The following STON2 variants were observed in gnomAD, a reference collection of about 807,000 sequenced individuals.
STON2 encodes stonin-2.
STON2 carries 29 observed loss-of-function variants against 65.7 expected under a neutral mutation model. The ratio of observed to expected loss-of-function variants is 0.44; its 90% CI spans 0.33 to 0.60. STON2 has a LOEUF of 0.60. Ranked by LOEUF, STON2 falls within the 20% of genes least tolerant of loss-of-function variation. The pLI, the probability that STON2 is intolerant of heterozygous loss-of-function variation, is 0.03. For missense variants in STON2, 1,054 were observed against 1,118.1 expected, an observed-to-expected ratio of 0.94 and a Z score of 0.82; for synonymous variants, 404 against 414.2, an observed-to-expected ratio of 0.98 and a Z score of 0.30.
chr14:81,435,491 C>T (rs985230904), intron 1 of STON2, among the ~76,000 whole-genome samples: 3 of 152,158 alleles, frequency 2.0e-5, no homozygotes, highest in Admixed American at 6.5e-5. Context: ...CGCCACCTTA[C>T]AGATCAGGAG....
At chr14:81,418,608 T>C (rs75539948) in intron 2 of STON2, among the ~76,000 whole-genome samples, 2 of 152,336 alleles carry the variant, frequency 1.3e-5, no homozygotes, top group East Asian at 3.9e-4. Flanking sequence ...GATTATGTGC[T>C]TCCCTGGAGG....
At position 81,265,342 on chromosome 14, in the gene STON2, T is replaced by A. The variant is rs889163100; in HGVS notation, c.*3072A>T. ...AAACAAATTTGATGAAATTAAGATG[T>A]TAGGTTTTTAAAAATTAATAATAAT... On this transcript the variant is annotated 3_prime_UTR_variant, in exon 8 of 8. Transcript: ENST00000614646. 7.1e-6 allele frequency: 7 copies of A among 984,404 alleles called. No individual in the cohort carries two copies. In the African/African-American group the frequency reaches 1.2e-4, roughly 17 times the overall value. The allele number at this position is 984,404 out of a possible 1,614,324, so 61.0% of individuals were successfully genotyped here. A position where few individuals can be genotyped will look rare whatever the true frequency, so the allele number is the denominator to read the frequency against.
chr14:81,356,467 C>A (rs1485433281), intron 4 of STON2, among the ~76,000 whole-genome samples: 2 of 152,108 alleles, frequency 1.3e-5, no homozygotes, highest in Non-Finnish European at 2.9e-5. Flanking sequence ...GTCTAAAATT[C>A]TCTTTTTTTG....
chr14:81,401,240 T>C (rs377042465), upstream of STON2, among the ~76,000 whole-genome samples: 51 of 152,348 alleles, frequency 3.3e-4, no homozygotes, highest in African/African-American at 1.1e-3. Context: ...CTCTTCATTA[T>C]AGATATAGGT....
At chr14:81,304,060 A>G (rs1896074596) in intron 5 of STON2, among the ~76,000 whole-genome samples, 1 of 152,036 alleles carries the variant, frequency 6.6e-6, no homozygotes, top group Admixed American at 6.6e-5. Context: ...CTTCCACCAA[A>G]TTCCTCTGAT....
In STON2 at chr14:81,277,702, C is replaced by T; in HGVS notation, c.1780G>A (p.Asp594Asn). ...ACTGCATGGATGAAACTCAGGAAGT[C>T]ATCGTAATTGGTGGTGCCCAGCTTA... ...VIKLGTTNYD[D>N]FLSFIHAVQD... The change falls in exon 6 of 8, where the codon GAC becomes AAC. Residue 594 changes from aspartate (D) to asparagine (N), a missense_variant. Physicochemically the swap from Asp to Asn is conservative, Grantham distance 23. Transcript: ENST00000614646. 1.2e-6 allele frequency: 2 copies of T among 1,614,176 alleles called. No homozygotes were observed. The highest frequency in any genetic ancestry group is 1.7e-6 in the Non-Finnish European group (2 of 1,180,044).
At position 81,396,140 on chromosome 14, in the gene STON2, G is replaced by A. The variant is rs769183996; in HGVS notation, c.127C>T (p.Pro43Ser). 2.5e-6 allele frequency: 4 copies of A among 1,613,952 alleles called. No individual in the cohort carries two copies. The highest frequency in any genetic ancestry group is 1.7e-6 in the Non-Finnish European group (2 of 1,179,938). Reference sequence around the variant, plus strand: ...CCGGAGGAGCTCTCGGACTGGTCTGGGGAAGATGACAGTCCTGGGAGGTGC... The same window carrying A: ...CCGGAGGAGCTCTCGGACTGGTCTGAGGAAGATGACAGTCCTGGGAGGTGC... ...EEHLPGLSSS[P>S]DQSESSSGEN... is the part of the protein sequence containing the mutation. Residue 43 changes from proline (P) to serine (S), a missense_variant, in exon 3 of 8, where the codon CCA becomes TCA. By Grantham distance (74) the Pro-to-Ser change is moderately conservative. Transcript: ENST00000614646.
chr14:81,264,684 C>T lies in STON2; in HGVS notation c.*3730G>A. ...AAAATATTTTAAATCAAACAATGTTCTCAAGGATTATGAACCCTGCCAATA... is the reference window on the plus strand; with the variant it reads ...AAAATATTTTAAATCAAACAATGTTTTCAAGGATTATGAACCCTGCCAATA... On this transcript the variant is annotated 3_prime_UTR_variant, in exon 8 of 8. Coordinates refer to ENST00000614646, the MANE Select transcript of STON2 (RefSeq NM_001394390.1). 1 of 985,272 alleles carries T rather than the reference C, an allele frequency of 1.0e-6. No individual in the cohort carries two copies. The highest frequency in any genetic ancestry group is 4.7e-5 in the South Asian group (1 of 21,286). The allele number at this position is 985,272 out of a possible 1,614,324, so 61.0% of individuals were successfully genotyped here.
chr14:81,369,243 C>T (rs879602677), intron 4 of STON2, among the ~76,000 whole-genome samples: 12 of 152,140 alleles, frequency 7.9e-5, no homozygotes, highest in Non-Finnish European at 1.5e-4. Context: ...CCGCCAGGAC[C>T]CCAACCAAAA....
chr14:81,416,619 T>G (rs531052693), intron 2 of STON2, among the ~76,000 whole-genome samples: 7 of 152,334 alleles, frequency 4.6e-5, no homozygotes, highest in Admixed American at 4.6e-4. Context: ...CCTGTCTGGG[T>G]GCTCCACAGG....
chr14:81,269,046 C>T (rs117853183), intron 7 of STON2, among the ~76,000 whole-genome samples: 3,313 of 152,144 alleles, frequency 0.022, 60 homozygotes, highest in Middle Eastern at 0.058. Flanking sequence ...TTACTCAGAC[C>T]GGAGTGCACT....
chr14:81,341,446 G>GTTT (rs748642462), intron 4 of STON2, among the ~76,000 whole-genome samples: 1,909 of 115,304 alleles, frequency 0.017, 104 homozygotes, highest in African/African-American at 0.064. Flanking sequence ...TTTTATAAGT[G>GTTT]TTTTTTTTTT....
At chr14:81,432,017 C>T (rs1202854000) in intron 1 of STON2, among the ~76,000 whole-genome samples, 1 of 152,098 alleles carries the variant, frequency 6.6e-6, no homozygotes. Context: ...TGCACTCATC[C>T]TACCTTCAAA....
At chr14:81,373,642 T>C (rs941229116) in intron 3 of STON2, among the ~76,000 whole-genome samples, 1 of 152,170 alleles carries the variant, frequency 6.6e-6, no homozygotes, top group Non-Finnish European at 1.5e-5. Flanking sequence ...AACCAGACTC[T>C]TGAGTTTTCC....
intron 3 of STON2, among the ~76,000 whole-genome samples, chr14:81,371,970 T>C (rs1899018218): frequency 6.6e-6 from 1 of 152,192 alleles, no homozygotes; most frequent in African/African-American, 2.4e-5. Flanking sequence ...GTATGTGGCA[T>C]GCCCCTGCTT....
Position 81,266,966 on chromosome 14 carries a change from G to C in STON2, c.*1448C>G. 1 of 984,752 alleles carries C rather than the reference G, an allele frequency of 1.0e-6. No individual in the cohort carries two copies. The highest frequency in any genetic ancestry group is 1.2e-6 in the Non-Finnish European group (1 of 829,370). The allele number at this position is 984,752 out of a possible 1,614,324, so 61.0% of individuals were successfully genotyped here. ...CTTAGTTCAGATATTTCAAAATACT[G>C]TAACTATTTCTATATCCCAGTGTCA... is the stretch of plus-strand genomic sequence containing the variant. On this transcript the variant is annotated 3_prime_UTR_variant, in exon 8 of 8. Coordinates refer to ENST00000614646, the MANE Select transcript of STON2 (RefSeq NM_001394390.1).
chr14:81,429,520 A>G (rs373638919), intron 1 of STON2, among the ~76,000 whole-genome samples: 2 of 152,228 alleles, frequency 1.3e-5, no homozygotes, highest in African/African-American at 4.8e-5. Flanking sequence ...TTCACCTACT[A>G]ATAAATCACT....
intron 1 of STON2, among the ~76,000 whole-genome samples, chr14:81,428,326 AGAC>A (rs1902082269): frequency 6.6e-6 from 1 of 152,244 alleles, no homozygotes; most frequent in African/African-American, 2.4e-5. Flanking sequence ...TTCACATAAT[AGAC>A]GACATTTAAA....
chr14:81,370,016 A>C (rs1317486830), intron 4 of STON2, among the ~76,000 whole-genome samples: 2 of 152,192 alleles, frequency 1.3e-5, no homozygotes, highest in African/African-American at 2.4e-5. Flanking sequence ...AGACAAAGGG[A>C]GTCCATGATA....
Sources: gnomAD v4.1 joint callset for allele counts (sites outside exome capture counted in the v4.1 genomes callset) on GRCh38, gnomAD v4.1.1 for gene constraint, MANE v1.5 for transcripts, NCBI Gene and HGNC (gene_info 2026-07-23, HGNC 2026-07-21) for gene names.